FHOD3: variants seen among roughly 807,000 people sequenced by gnomAD.
FHOD3 encodes formin homology 2 domain containing 3, also known as FH1/FH2 domain-containing protein 3.
In FHOD3, 90 loss-of-function variants were observed where a neutral mutation model predicts 173.0. The ratio of observed to expected loss-of-function variants is 0.52; its 90% CI spans 0.44 to 0.62. The LOEUF (loss-of-function observed/expected upper bound fraction) is 0.62. Among genes scored for constraint, FHOD3 ranks in the 20% least tolerant of loss-of-function variants. FHOD3 has a pLI of 0.00. For missense variants in FHOD3, 1,945 were observed against 2,034.7 expected, an observed-to-expected ratio of 0.96 and a Z score of 0.85; for synonymous variants, 828 against 823.0, an observed-to-expected ratio of 1.01 and a Z score of -0.10.
intron 17 of FHOD3, among the ~76,000 whole-genome samples, chr18:36,695,927 A>G (rs1473386390): frequency 6.6e-6 from 1 of 152,236 alleles, no homozygotes; most frequent in Non-Finnish European, 1.5e-5. Flanking sequence ...CATCTGGAGG[A>G]AGAATTAAAA....
rs1555682884 is a variant in FHOD3, at chr18:36,369,498, C to CACACAT, written c.273-3181_273-3180insCACATA. Among the ~76,000 whole-genome samples the CACACAT allele has an allele frequency of 1.8e-3, 174 of 95,922 alleles. 2 individuals are homozygous for CACACAT. Among genetic ancestry groups the CACACAT allele is most frequent in the South Asian group, 2.4e-3 (7 of 2,862 alleles). The allele number at this position is 95,922 out of a possible 152,430, so 62.9% of individuals were successfully genotyped here. ...ACACACACACACACACACACACACACATATATATAGAGAGAGAGAGAGAGA... is the reference window on the plus strand; with the variant it reads ...ACACACACACACACACACACACACACACACATATATATATAGAGAGAGAGAGAGAGA... On this transcript the variant is annotated intron_variant, in intron 2 of 28. Transcript: ENST00000590592.
rs2039075019 is a variant in FHOD3, at chr18:36,693,323, A to C, written c.2136A>C (p.Pro712=). Reference sequence around the variant, plus strand: ...TGGACCTGACCTCGCCAGCAGCCCCAGCCTGCCTGGCTCCTCTGAGCCATA... The same window carrying C: ...TGGACCTGACCTCGCCAGCAGCCCCCGCCTGCCTGGCTCCTCTGAGCCATA... The part of the protein sequence containing the change: ...LSLDLTSPAA[P]ACLAPLSHSP... Residue 712 remains proline, a synonymous_variant, in exon 17 of 29, where the codon CCA becomes CCC. Coordinates refer to ENST00000590592, the MANE Select transcript of FHOD3 (RefSeq NM_001281740.3). 1 of 1,613,898 alleles carries C rather than the reference A, an allele frequency of 6.2e-7. No homozygotes were observed. The highest frequency in any genetic ancestry group is 8.5e-7 in the Non-Finnish European group (1 of 1,179,820).
At chr18:36,484,703 G>C (rs963423330) in intron 3 of FHOD3, among the ~76,000 whole-genome samples, 14 of 152,154 alleles carry the variant, frequency 9.2e-5, no homozygotes, top group African/African-American at 1.4e-4. Context: ...GGGTGTGCAT[G>C]TCTCTTCCTG....
chr18:36,396,556 A>C (rs1414248837), intron 3 of FHOD3, among the ~76,000 whole-genome samples: 2 of 152,202 alleles, frequency 1.3e-5, no homozygotes, highest in African/African-American at 2.4e-5. Context: ...ATTTAAATTC[A>C]AATGATATTC....
At position 36,338,019 on chromosome 18, in the gene FHOD3, G is replaced by T. The variant is rs1287275565; in HGVS notation, c.166-17520G>T. ...GGTTTCAGCTGATCACTAAACCAGG[G>T]CTGTCTGGTCACAGAGTTAATGAAT... On this transcript the variant is annotated intron_variant, in intron 1 of 28. Coordinates refer to ENST00000590592, the MANE Select transcript of FHOD3 (RefSeq NM_001281740.3). Among the ~76,000 whole-genome samples, 10 of 152,190 alleles carry T rather than the reference G, an allele frequency of 6.6e-5. No individual in the cohort carries two copies. The East Asian group carries it at 1.9e-3, about 29-fold the overall frequency.
chr18:36,777,198 C>CTTTTTTTTT (rs11294880), intron 28 of FHOD3, among the ~76,000 whole-genome samples: 192 of 108,722 alleles, frequency 1.8e-3, no homozygotes, highest in Non-Finnish European at 2.4e-3. Flanking sequence ...TCTTCTTTTT[C>CTTTTTTTTT]TTTTTTTTTT....
At chr18:36,487,230 T>G (rs2054238961) in intron 3 of FHOD3, among the ~76,000 whole-genome samples, 1 of 152,212 alleles carries the variant, frequency 6.6e-6, no homozygotes, top group African/African-American at 2.4e-5. Context: ...TCAAACTGCT[T>G]TCTAGAGAGG....
At chr18:36,324,988 C>T (rs2044595065) in intron 1 of FHOD3, among the ~76,000 whole-genome samples, 1 of 152,022 alleles carries the variant, frequency 6.6e-6, no homozygotes, top group Admixed American at 6.5e-5. Context: ...ACTGTACAGC[C>T]CTGAAAATGA....
At chr18:36,422,391 G>C (rs936062507) in intron 3 of FHOD3, among the ~76,000 whole-genome samples, 1 of 152,104 alleles carries the variant, frequency 6.6e-6, no homozygotes, top group African/African-American at 2.4e-5. Flanking sequence ...CCTGTTGAAG[G>C]ATAGTTAGTC....
chr18:36,461,793 G>T (rs969139814), intron 3 of FHOD3, among the ~76,000 whole-genome samples: 3 of 152,158 alleles, frequency 2.0e-5, no homozygotes, highest in Admixed American at 6.5e-5. Context: ...TGTTGGGTAA[G>T]AACCAAGCAG....
At chr18:36,541,464 C>T (rs959825719) in intron 5 of FHOD3, among the ~76,000 whole-genome samples, 5 of 151,880 alleles carry the variant, frequency 3.3e-5, no homozygotes, top group African/African-American at 1.2e-4. Flanking sequence ...GGCTGAGGCA[C>T]CAGGATCCCT....
intron 14 of FHOD3, among the ~76,000 whole-genome samples, chr18:36,668,703 C>T (rs1405428071): frequency 6.6e-6 from 1 of 151,916 alleles, no homozygotes; most frequent in African/African-American, 2.4e-5. Context: ...TAATATGCTT[C>T]TTAAGTTCTC....
At chr18:36,582,770 C>T (rs1383255204) in intron 6 of FHOD3, among the ~76,000 whole-genome samples, 1 of 152,222 alleles carries the variant, frequency 6.6e-6, no homozygotes, top group African/African-American at 2.4e-5. Flanking sequence ...TGTCATTCTT[C>T]CACAAATCCC....
chr18:36,711,663 C>G (rs543919592), intron 18 of FHOD3, among the ~76,000 whole-genome samples: 1 of 152,272 alleles, frequency 6.6e-6, no homozygotes, highest in African/African-American at 2.4e-5. Context: ...ACCAACATAG[C>G]AGCACCCTGA....
chr18:36,519,589 T>A lies in FHOD3; in HGVS notation c.511+7046T>A, dbSNP rs192185887. Among the ~76,000 whole-genome samples, 492 of 152,314 alleles carry A rather than the reference T, an allele frequency of 3.2e-3. 3 individuals carry two copies. The highest frequency in any genetic ancestry group is 0.011 in the African/African-American group (454 of 41,572). On this transcript the variant is annotated intron_variant, in intron 5 of 28. Transcript: ENST00000590592. Reference sequence around the variant, plus strand: ...CCTGATGGCTGTCAGCCCCCAGCACTGTGTGCAGGAGCACCATGGGTCAAG... The same window carrying A: ...CCTGATGGCTGTCAGCCCCCAGCACAGTGTGCAGGAGCACCATGGGTCAAG...
At chr18:36,391,770 G>T (rs1263784327) in intron 3 of FHOD3, among the ~76,000 whole-genome samples, 1 of 139,812 alleles carries the variant, frequency 7.2e-6, no homozygotes, top group Non-Finnish European at 1.5e-5. Context: ...GAGATGATGA[G>T]ACACCTCCTG....
intron 5 of FHOD3, among the ~76,000 whole-genome samples, chr18:36,549,930 A>C (rs2057575317): frequency 6.6e-6 from 1 of 151,452 alleles, no homozygotes; most frequent in Non-Finnish European, 1.5e-5. Context: ...TTTTAGTTTT[A>C]GGTTTTAAAT....
chr18:36,485,575 A>G (rs2054152138), intron 3 of FHOD3, among the ~76,000 whole-genome samples: 1 of 152,222 alleles, frequency 6.6e-6, no homozygotes, highest in Non-Finnish European at 1.5e-5. Flanking sequence ...ACCCCAATGA[A>G]GTACCAGTGG....
chr18:36,564,496 G>A (rs2058198281), intron 5 of FHOD3, among the ~76,000 whole-genome samples: 1 of 152,156 alleles, frequency 6.6e-6, no homozygotes, highest in African/African-American at 2.4e-5. Flanking sequence ...TTCTGTACAG[G>A]TGGCTGATGA....
Sources: allele counts gnomAD v4.1 joint callset (sites outside exome capture counted in the v4.1 genomes callset), GRCh38; gene constraint gnomAD v4.1.1; transcripts MANE v1.5; gene names NCBI Gene and HGNC (gene_info 2026-07-23, HGNC 2026-07-21).